Variants in CLHC1 observed in about 807,000 individuals in gnomAD.
CLHC1 encodes clathrin heavy chain linker domain containing 1.
A neutral mutation model predicts 69.5 loss-of-function variants in CLHC1; 72 were observed. That is an observed-to-expected ratio of 1.04 (90% CI 0.86 to 1.26). The LOEUF (loss-of-function observed/expected upper bound fraction) is 1.26. Among genes scored for constraint, CLHC1 ranks in the 50% most tolerant of loss-of-function variants. The probability of loss-of-function intolerance (pLI) is 0.00; values close to 1 mark genes in which losing one functional copy is unlikely to be tolerated. For synonymous variants in CLHC1, 223 were observed against 224.3 expected, an observed-to-expected ratio of 0.99 and a Z score of 0.05; for missense variants, 790 against 679.3, an observed-to-expected ratio of 1.16 and a Z score of -1.81.
At chr2:55,220,836 C>G (rs2104047066) in intron 3 of CLHC1, among the ~76,000 whole-genome samples, 1 of 152,266 alleles carries the variant, frequency 6.6e-6, no homozygotes, top group East Asian at 1.9e-4. Context: ...TTTAAACATT[C>G]ATTCAATGCA....
intron 9 of CLHC1, among the ~76,000 whole-genome samples, chr2:55,196,200 C>A (rs1049438534): frequency 2.0e-5 from 3 of 152,170 alleles, no homozygotes; most frequent in South Asian, 2.1e-4. Flanking sequence ...TTCTGGCAAG[C>A]CTCACCACCA....
At chr2:55,228,449 A>G (rs979579522) in intron 1 of CLHC1, among the ~76,000 whole-genome samples, 1 of 152,260 alleles carries the variant, frequency 6.6e-6, no homozygotes, top group African/African-American at 2.4e-5. Context: ...CCATTGAGTT[A>G]CATAAACCAA....
intron 3 of CLHC1, among the ~76,000 whole-genome samples, chr2:55,221,728 A>G (rs1056995249): frequency 1.3e-5 from 2 of 152,242 alleles, no homozygotes; most frequent in African/African-American, 2.4e-5. Flanking sequence ...TTGTAATCCC[A>G]GCACTTTGGG....
chr2:55,208,934 T>C (rs922844032), intron 7 of CLHC1, among the ~76,000 whole-genome samples: 1 of 147,452 alleles, frequency 6.8e-6, no homozygotes, highest in Admixed American at 6.9e-5. Context: ...GCAGTGGCCC[T>C]ATCTTGGCTC....
intron 2 of CLHC1, among the ~76,000 whole-genome samples, chr2:55,222,726 G>A (rs1674263018): frequency 6.6e-6 from 1 of 151,828 alleles, no homozygotes; most frequent in Non-Finnish European, 1.5e-5. Flanking sequence ...TTCGAGACCA[G>A]CCTGACCAAC....
intron 4 of CLHC1, 102 bp downstream of exon 4, chr2:55,217,709 G>A: frequency 1.6e-6 from 1 of 633,106 alleles, no homozygotes. Context: ...AAATAAAATT[G>A]AAATTCAATA....
In CLHC1 at chr2:55,175,914, C is replaced by T. The variant is rs1381478461; in HGVS notation, c.1637G>A (p.Cys546Tyr). 1 of 1,613,974 alleles carries T rather than the reference C, an allele frequency of 6.2e-7. No homozygotes were observed. The highest frequency in any genetic ancestry group is 8.5e-7 in the Non-Finnish European group (1 of 1,179,872). ...IEKWQEVANI[C>Y]SQNGFDKLSN... ...TAATTTGTCAAAGCCATTCTGTGAA[C>T]ATATATTTGCCACTTCTTGCCACTT... is the stretch of plus-strand genomic sequence containing the variant. Residue 546 changes from cysteine (C) to tyrosine (Y), a missense_variant, in exon 13 of 13, where the codon TGT becomes TAT. Cys to Tyr is a radical substitution (Grantham distance 194). Coordinates refer to ENST00000401408, the MANE Select transcript of CLHC1 (RefSeq NM_152385.4).
chr2:55,223,907 T>A (rs968037402), intron 2 of CLHC1: 1 of 152,448 alleles, frequency 6.6e-6, no homozygotes, highest in East Asian at 1.9e-4. Flanking sequence ...GCGATTCTCC[T>A]GCCTCAGCCT....
At position 55,206,473 on chromosome 2, in the gene CLHC1, A is replaced by G. The variant is rs958975904; in HGVS notation, c.900-97T>C. 2.2e-5 allele frequency: 15 copies of G among 691,122 alleles called. No individual in the cohort carries two copies. The African/African-American group carries it at 2.7e-4, about 13-fold the overall frequency. 42.8% of individuals were successfully genotyped at this position (691,122 alleles called of 1,614,324 possible). A position where few individuals can be genotyped will look rare whatever the true frequency, so the allele number is the denominator to read the frequency against. On this transcript the variant is annotated intron_variant, in intron 8 of 12. Transcript: ENST00000401408. ...TAATACAGACTAAATATAGCGGCAT[A>G]ACGATATGGAAAAACAAAAAGGAAT...
At position 55,173,790 on chromosome 2, in the gene CLHC1, C is replaced by T. The variant is rs943034860; in HGVS notation, c.*2000G>A. Among the ~76,000 whole-genome samples, 17 of 152,302 alleles carry T rather than the reference C, an allele frequency of 1.1e-4. No homozygotes were observed. Among genetic ancestry groups the T allele is most frequent in the African/African-American group, 4.1e-4 (17 of 41,550 alleles). The stretch of plus-strand genomic sequence containing the variant: ...ATTTATATTCACTTGACAACTTTTA[C>T]TTTCCTTGGGAAAGCTGCCAAAGGC... On this transcript the variant is annotated 3_prime_UTR_variant, in exon 13 of 13. Transcript: ENST00000401408.
intron 3 of CLHC1, chr2:55,218,635 T>C (rs1263864222): frequency 6.6e-6 from 1 of 152,226 alleles, no homozygotes; most frequent in Non-Finnish European, 1.5e-5. Context: ...GAATCTGAGA[T>C]GAGAAGGTCC....
At chr2:55,232,054 G>A (rs765479908) in intron 1 of CLHC1, 169 bp downstream of exon 1, 1 of 152,298 alleles carries the variant, frequency 6.6e-6, no homozygotes, top group Non-Finnish European at 1.5e-5. Flanking sequence ...TTCCCTTGAA[G>A]GCCCAAGGAG....
chr2:55,184,366 A>T (rs1670218849), intron 9 of CLHC1, among the ~76,000 whole-genome samples: 1 of 151,908 alleles, frequency 6.6e-6, no homozygotes, highest in Non-Finnish European at 1.5e-5. Context: ...CAGCCTCCCA[A>T]AGTGTTGCTA....
rs758595842 is a variant in CLHC1, at chr2:55,180,550, C to G, written c.1344G>C (p.Arg448Ser). The G allele has an allele frequency of 6.2e-7, 1 of 1,614,056 alleles. No homozygotes were observed. The highest frequency in any genetic ancestry group is 1.1e-5 in the South Asian group (1 of 91,084). Residue 448 changes from arginine (R) to serine (S), a missense_variant, in exon 11 of 13, where the codon AGG (arginine) becomes AGC (serine). Transcript: ENST00000401408. ...LCLCKQGQTH[R>S]VMEYIQQLKD... ...TCAACTGCTGTATGTACTCCATGAC[C>G]CTATGAGTCTGACCCTGTTTACACA...
intron 2 of CLHC1, 32 bp from the exon 3 acceptor site, chr2:55,222,525 A>G: frequency 1.4e-6 from 1 of 720,842 alleles, no homozygotes. Flanking sequence ...AATTAATATA[A>G]TAATTTTTTA....
intron 4 of CLHC1, chr2:55,216,213 G>A (rs1673488245): frequency 6.6e-6 from 1 of 151,466 alleles, no homozygotes; most frequent in Non-Finnish European, 1.5e-5. Context: ...GTTGAATCTG[G>A]GAGACGGAGG....
intron 9 of CLHC1, among the ~76,000 whole-genome samples, chr2:55,203,039 T>C (rs1271022382): frequency 8.5e-5 from 13 of 152,122 alleles, no homozygotes; most frequent in Non-Finnish European, 1.5e-5. Flanking sequence ...ATCCTGCTTA[T>C]AATAGCCACA....
intron 10 of CLHC1, 76 bp downstream of exon 10, chr2:55,181,494 A>T: frequency 1.8e-6 from 2 of 1,097,652 alleles, no homozygotes; most frequent in Non-Finnish European, 2.7e-6. Context: ...ATATTGATAA[A>T]GCTATTAATA....
intron 2 of CLHC1, chr2:55,224,303 G>A (rs148458611): frequency 4.4e-6 from 2 of 459,700 alleles, no homozygotes; most frequent in South Asian, 1.6e-5. Flanking sequence ...GCAGAGTGCC[G>A]TCCTCTGGGA....
Sources: gnomAD v4.1 joint callset for allele counts (sites outside exome capture counted in the v4.1 genomes callset) on GRCh38, gnomAD v4.1.1 for gene constraint, MANE v1.5 for transcripts, NCBI Gene and HGNC (gene_info 2026-07-23, HGNC 2026-07-21) for gene names.